DCAF12: variants seen among roughly 807,000 people sequenced by gnomAD.
DCAF12 encodes the protein DDB1 and CUL4 associated factor 12.
A neutral mutation model predicts 52.8 loss-of-function variants in DCAF12; 28 were observed. That is an observed-to-expected ratio of 0.53 (90% CI 0.39 to 0.73). The LOEUF (loss-of-function observed/expected upper bound fraction) is 0.73, where lower values mean the gene tolerates loss of function less well. DCAF12 is among the 30% of genes least tolerant of loss of function. DCAF12 has a pLI of 0.00. For synonymous variants in DCAF12, 196 were observed against 215.5 expected (o/e 0.91, Z 0.79); for missense variants, 425 against 552.2 (o/e 0.77, Z 2.31).
intron 1 of DCAF12, chr9:34,125,521 G>C (rs1829235132): frequency 1.3e-5 from 8 of 604,630 alleles, no homozygotes; most frequent in Non-Finnish European, 2.5e-5. Context: ...GGGAATGAAT[G>C]CAGAATAGAA....
At chr9:34,108,106 C>A (rs570824429) in intron 2 of DCAF12, among the ~76,000 whole-genome samples, 1 of 152,296 alleles carries the variant, frequency 6.6e-6, no homozygotes, top group Admixed American at 6.6e-5. Context: ...AGTCCTATTC[C>A]TCCCTGCCTT....
chr9:34,097,729 T>TC (rs899617312), intron 5 of DCAF12, among the ~76,000 whole-genome samples: 1 of 151,830 alleles, frequency 6.6e-6, no homozygotes, highest in Admixed American at 6.6e-5. Context: ...GGTCAGGAGT[T>TC]CAAGACCAGC....
chr9:34,094,018 T>C (rs1051226027), intron 6 of DCAF12, among the ~76,000 whole-genome samples: 8 of 152,164 alleles, frequency 5.3e-5, no homozygotes, highest in Non-Finnish European at 7.3e-5. Context: ...TAAGACAGCA[T>C]ACAAGGTCAG....
chr9:34,102,666 A>AAACAACAAC (rs10624115), intron 4 of DCAF12, among the ~76,000 whole-genome samples: 9 of 151,136 alleles, frequency 6.0e-5, no homozygotes, highest in South Asian at 2.1e-4. Context: ...ACACACAAAC[A>AAACAACAAC]AACAACAACA....
At chr9:34,124,122 G>C (rs1249081621) in intron 2 of DCAF12, among the ~76,000 whole-genome samples, 4 of 151,964 alleles carry the variant, frequency 2.6e-5, no homozygotes, top group Non-Finnish European at 5.9e-5. Context: ...TAGTACTTAA[G>C]ACTTTCTTGA....
rs775160589 is a variant in DCAF12, at chr9:34,093,319, C to A, written c.991G>T (p.Val331Phe). The A allele has an allele frequency of 3.1e-6, 5 of 1,614,098 alleles. No homozygotes were observed. Among genetic ancestry groups the A allele is most frequent in the Non-Finnish European group, 4.2e-6 (5 of 1,180,046 alleles). ...CGCTCCCTGGAACAGACAGACTTGACGTTGTATGATGGCTGCCGTGGATCC... is the reference window on the plus strand; with the variant it reads ...CGCTCCCTGGAACAGACAGACTTGAAGTTGTATGATGGCTGCCGTGGATCC... ...FLDPRQPSYN[V>F]KSVCSRERGS... Residue 331 changes from valine to phenylalanine, a missense_variant, in exon 7 of 9, where the codon GTC becomes TTC. Val to Phe is a conservative substitution (Grantham distance 50, BLOSUM62 -1). This residue lies in a region of DCAF12 where 328 missense variants were observed against 444.4 expected (regional missense o/e 0.74). Coordinates refer to ENST00000361264, the MANE Select transcript of DCAF12 (RefSeq NM_015397.4).
At chr9:34,094,746 G>A (rs1436873374) in intron 6 of DCAF12, among the ~76,000 whole-genome samples, 1 of 151,816 alleles carries the variant, frequency 6.6e-6, no homozygotes, top group Non-Finnish European at 1.5e-5. Flanking sequence ...TAGCCAGGAT[G>A]GTCTCAATCT....
At chr9:34,098,761 TTTA>T (rs1382065415) in intron 4 of DCAF12, among the ~76,000 whole-genome samples, 1 of 152,152 alleles carries the variant, frequency 6.6e-6, no homozygotes. Flanking sequence ...GTTGTTGAAA[TTTA>T]TTTATTATTA....
In DCAF12 at chr9:34,110,985, G is replaced by GC. The variant is rs1336969337; in HGVS notation, c.334-3421_334-3420insG. On this transcript the variant is annotated intron_variant, in intron 2 of 8. Coordinates refer to ENST00000361264, the MANE Select transcript of DCAF12 (RefSeq NM_015397.4). The stretch of plus-strand genomic sequence containing the variant: ...AGAAATGATTCTCCTATTCTTTTCT[G>GC]TTTTTTTTTTTTTTTTTTGAGACCA... Among the ~76,000 whole-genome samples the GC allele has an allele frequency of 1.7e-4, 21 of 125,944 alleles. 1 individual carries two copies. Among genetic ancestry groups the GC allele is most frequent in the African/African-American group, 6.1e-4 (21 of 34,524 alleles). 82.6% of individuals were successfully genotyped at this position (125,944 alleles called of 152,430 possible).
chr9:34,111,348 T>C (rs996232202), intron 2 of DCAF12, among the ~76,000 whole-genome samples: 5 of 152,162 alleles, frequency 3.3e-5, no homozygotes, highest in East Asian at 1.9e-4. Context: ...ATATGTCCTC[T>C]TGGACTACTC....
chr9:34,116,975 T>C (rs2131441550), intron 2 of DCAF12, among the ~76,000 whole-genome samples: 1 of 152,282 alleles, frequency 6.6e-6, no homozygotes, highest in East Asian at 1.9e-4. Context: ...CGAGACTCCG[T>C]CTCAAAAATC....
chr9:34,111,295 T>G (rs1302189696), intron 2 of DCAF12, among the ~76,000 whole-genome samples: 1 of 152,092 alleles, frequency 6.6e-6, no homozygotes, highest in Non-Finnish European at 1.5e-5. Context: ...CTCCTACTCT[T>G]TTACCTGGCC....
chr9:34,125,074 T>G lies in DCAF12; in HGVS notation c.282A>C (p.Ala94=), dbSNP rs184527570. The change falls in exon 2 of 9, where the codon GCA becomes GCC. Residue 94 remains alanine, a synonymous_variant. Transcript: ENST00000361264. ...CTTGCCTATGATTCAACCACTGAGA[T>G]GCAAACACTTTATTAAGGGTCCCAA... ...FHLGTLNKVF[A]SQWLNHRQVV... is the part of the protein sequence containing the mutation. 83 of 1,614,028 alleles carry G rather than the reference T, an allele frequency of 5.1e-5. No homozygotes were observed. The highest frequency in any genetic ancestry group is 6.6e-5 in the Non-Finnish European group (78 of 1,180,022).
At chr9:34,099,845 A>T (rs1278166699) in intron 4 of DCAF12, among the ~76,000 whole-genome samples, 1 of 151,632 alleles carries the variant, frequency 6.6e-6, no homozygotes, top group African/African-American at 2.4e-5. Context: ...ACCCGCCTCA[A>T]CCTCCCAAAG....
intron 2 of DCAF12, among the ~76,000 whole-genome samples, chr9:34,111,823 G>C (rs1339828115): frequency 1.3e-5 from 2 of 152,076 alleles, no homozygotes; most frequent in Non-Finnish European, 2.9e-5. Flanking sequence ...CCAGTCCTTG[G>C]AGAAAAGAAA....
rs762013826 is a variant in DCAF12 at position 34,122,473 on chromosome 9, A to ATTTTT, written c.333+2545_333+2549dup. On this transcript the variant is annotated intron_variant, in intron 2 of 8. Coordinates refer to ENST00000361264, the MANE Select transcript of DCAF12 (RefSeq NM_015397.4). ...ATATAGGTTCAAGACATTAGTATCA[A>ATTTTT]TTTTTTTTTTTTTTTTTTTTTGAGA... 5.5e-5 allele frequency among the ~76,000 whole-genome samples: 7 copies of ATTTTT among 127,670 alleles called. 1 individual carries two copies. The highest frequency in any genetic ancestry group is 6.5e-5 in the Non-Finnish European group (4 of 61,598). 83.8% of individuals were successfully genotyped at this position (127,670 alleles called of 152,430 possible). A position where few individuals can be genotyped will look rare whatever the true frequency, so the allele number is the denominator to read the frequency against.
chr9:34,092,966 C>T (rs2131426036), intron 7 of DCAF12, among the ~76,000 whole-genome samples: 1 of 152,292 alleles, frequency 6.6e-6, no homozygotes, highest in East Asian at 1.9e-4. Flanking sequence ...CTGCCTCAGC[C>T]TCCTGAGCAG....
At position 34,088,056 on chromosome 9, in the gene DCAF12, C is replaced by T. The variant is rs1028178381; in HGVS notation, c.*294G>A. The T allele has an allele frequency of 2.8e-5, 6 of 212,616 alleles. No individual in the cohort carries two copies. The highest frequency in any genetic ancestry group is 5.6e-5 in the Non-Finnish European group (6 of 107,708). 13.2% of individuals were successfully genotyped at this position (212,616 alleles called of 1,614,324 possible). ...CATTTCAGCCTGAAGAAGCCAGAGA[C>T]AGGAGAATGTGTGTCACTTAAAGAA... On this transcript the variant is annotated 3_prime_UTR_variant, in exon 9 of 9. Coordinates refer to ENST00000361264, the MANE Select transcript of DCAF12 (RefSeq NM_015397.4).
intron 2 of DCAF12, among the ~76,000 whole-genome samples, chr9:34,116,360 A>T (rs1240597697): frequency 3.9e-5 from 6 of 151,920 alleles, no homozygotes; most frequent in African/African-American, 1.5e-4. Flanking sequence ...AAATAAATAA[A>T]TAAATAATAC....
Sources: allele counts gnomAD v4.1 joint callset (sites outside exome capture counted in the v4.1 genomes callset), GRCh38; gene constraint gnomAD v4.1.1; regional missense constraint gnomAD v4.1.1; transcripts MANE v1.5; gene names NCBI Gene and HGNC (gene_info 2026-07-23, HGNC 2026-07-21).